NEO1: variants seen among roughly 807,000 people sequenced by gnomAD.
NEO1 encodes neogenin.
Under a neutral mutation model 159.7 loss-of-function variants are expected in NEO1, and 63 were observed. That is an observed-to-expected ratio of 0.39 (90% CI 0.32 to 0.49). The LOEUF is 0.49. NEO1 is among the 20% of genes least tolerant of loss of function. The pLI is 0.85. For synonymous variants in NEO1, 633 were observed against 662.0 expected (o/e 0.96, Z 0.67); for missense variants, 1,615 against 1,831.0 (o/e 0.88, Z 2.15).
chr15:73,130,820 A>G (rs1284345581), intron 4 of NEO1, among the ~76,000 whole-genome samples: 3 of 152,216 alleles, frequency 2.0e-5, no homozygotes, highest in East Asian at 3.8e-4. Flanking sequence ...TCAAAGCTTT[A>G]CCATCATGTA....
At chr15:73,124,967 A>G (rs929178625) in intron 3 of NEO1, among the ~76,000 whole-genome samples, 2 of 152,250 alleles carry the variant, frequency 1.3e-5, no homozygotes, top group African/African-American at 2.4e-5. Flanking sequence ...AACTATTGCC[A>G]TATACCAATA....
At position 73,221,043 on chromosome 15, in the gene NEO1, C is replaced by G. The variant is rs1317792201; in HGVS notation, c.1292-15304C>G. ...CCAGTTTTTCTGCTCTGTTTTTTCC[C>G]CATCTTTGTGGTTTTATCTACTTTT... On this transcript the variant is annotated intron_variant, in intron 7 of 28. Coordinates refer to ENST00000261908, the MANE Select transcript of NEO1 (RefSeq NM_002499.4). Among the ~76,000 whole-genome samples, 16 of 152,170 alleles carry G rather than the reference C, an allele frequency of 1.1e-4. No individual in the cohort carries two copies. In the East Asian group the frequency reaches 3.1e-3, roughly 29 times the overall value.
At chr15:73,093,561 T>C (rs2069818479) in intron 1 of NEO1, among the ~76,000 whole-genome samples, 1 of 151,888 alleles carries the variant, frequency 6.6e-6, no homozygotes, top group Admixed American at 6.6e-5. Flanking sequence ...GCTTTGACCA[T>C]GGGAAGTTCC....
At chr15:73,138,904 A>G (rs527451656) in intron 5 of NEO1, among the ~76,000 whole-genome samples, 1 of 152,310 alleles carries the variant, frequency 6.6e-6, no homozygotes, top group African/African-American at 2.4e-5. Context: ...GGATCAATAG[A>G]GTATGGCAGA....
intron 4 of NEO1, among the ~76,000 whole-genome samples, chr15:73,135,425 C>G (rs2031639438): frequency 6.6e-6 from 1 of 152,160 alleles, no homozygotes; most frequent in African/African-American, 2.4e-5. Context: ...CACTGTGACC[C>G]CATGACTTAC....
In NEO1 at chr15:73,116,752, G is replaced by A; in HGVS notation, c.343G>A (p.Val115Met). ...TGGATCTTTATTTATCAGCAATGTG[G>A]TGCATTCCAAACACAATAAACCTGA... ...PDGSLFISNV[V>M]HSKHNKPDEG... Residue 115 changes from valine to methionine, a missense_variant, in exon 2 of 29, where the codon GTG becomes ATG. Coordinates refer to ENST00000261908, the MANE Select transcript of NEO1 (RefSeq NM_002499.4). The A allele has an allele frequency of 6.2e-7, 1 of 1,613,972 alleles. No homozygotes were observed. Among genetic ancestry groups the A allele is most frequent in the Non-Finnish European group, 8.5e-7 (1 of 1,179,914 alleles).
chr15:73,073,495 G>T (rs2068631674), intron 1 of NEO1, among the ~76,000 whole-genome samples: 1 of 152,058 alleles, frequency 6.6e-6, no homozygotes, highest in African/African-American at 2.4e-5. Context: ...AAAATGGAAG[G>T]CTCTATTTGA....
Position 73,260,322 on chromosome 15 carries a change from C to G in NEO1, c.2255C>G (p.Thr752Ser). 1 of 1,614,006 alleles carries G rather than the reference C, an allele frequency of 6.2e-7. No individual in the cohort carries two copies. The highest frequency in any genetic ancestry group is 8.5e-7 in the Non-Finnish European group (1 of 1,179,962). Residue 752 changes from threonine to serine, a missense_variant, in exon 15 of 29, where the codon ACT becomes AGT. Thr to Ser is a moderately conservative substitution (Grantham distance 58, BLOSUM62 1). Coordinates refer to ENST00000261908, the MANE Select transcript of NEO1 (RefSeq NM_002499.4). Reference sequence around the variant, plus strand: ...TCTCTTCACGTACGCCCGCTCGTTACTAGCATCGTAGTGAGCTGGACTCCT... The same window carrying G: ...TCTCTTCACGTACGCCCGCTCGTTAGTAGCATCGTAGTGAGCTGGACTCCT... Reference protein sequence around the residue: ...PSSLHVRPLVTSIVVSWTPPE... With the variant: ...PSSLHVRPLVSSIVVSWTPPE...
intron 4 of NEO1, among the ~76,000 whole-genome samples, chr15:73,127,794 A>G (rs924811203): frequency 6.6e-6 from 1 of 152,206 alleles, no homozygotes; most frequent in Non-Finnish European, 1.5e-5. Flanking sequence ...TTTAGTGGGA[A>G]ACATTTTAAC....
intron 13 of NEO1, 39 bp downstream of exon 13, chr15:73,254,868 C>A (rs1231152362): frequency 6.3e-7 from 1 of 1,587,268 alleles, no homozygotes; most frequent in Non-Finnish European, 8.6e-7. Flanking sequence ...TACACTGTGT[C>A]TTTCTCAGAT....
intron 2 of NEO1, 93 bp from the exon 3 acceptor site, chr15:73,122,432 A>T: frequency 8.5e-7 from 1 of 1,172,280 alleles, no homozygotes; most frequent in Non-Finnish European, 1.2e-6. Flanking sequence ...CATATGTTGT[A>T]GCCATGTGAG....
intron 9 of NEO1, among the ~76,000 whole-genome samples, chr15:73,247,495 C>A (rs2039856634): frequency 6.6e-6 from 1 of 152,152 alleles, no homozygotes. Flanking sequence ...TGACAAATCC[C>A]ACCTGTCAGG....
chr15:73,106,995 C>G (rs2070728825), intron 1 of NEO1, among the ~76,000 whole-genome samples: 1 of 152,154 alleles, frequency 6.6e-6, no homozygotes, highest in African/African-American at 2.4e-5. Flanking sequence ...CCCTCAGTCC[C>G]TTGCTTTACA....
rs2151177222 is a variant in NEO1 at position 73,298,499 on chromosome 15, C to G, written c.4053C>G (p.Ala1351=). The G allele has an allele frequency of 6.2e-7, 1 of 1,614,188 alleles. No individual in the cohort carries two copies. The highest frequency in any genetic ancestry group is 1.3e-5 in the African/African-American group (1 of 75,034). The change falls in exon 27 of 29, where the codon GCC becomes GCG. Residue 1351 remains alanine (A), a synonymous_variant. Transcript: ENST00000261908. Reference sequence around the variant, plus strand: ...ATTCAGGCCAGAGTCTTCCCACTGCCCATGTTCGCCCTTCCCACCCATTGA... The same window carrying G: ...ATTCAGGCCAGAGTCTTCCCACTGCGCATGTTCGCCCTTCCCACCCATTGA... ...EEDSGQSLPT[A]HVRPSHPLKS... is the part of the protein sequence containing the mutation.
chr15:73,173,253 G>A (rs1198707069), intron 5 of NEO1, among the ~76,000 whole-genome samples: 2 of 152,066 alleles, frequency 1.3e-5, no homozygotes, highest in Non-Finnish European at 2.9e-5. Context: ...AATTTATCTG[G>A]GGAGTGGAAC....
At chr15:73,279,231 A>G (rs1345649233) in intron 22 of NEO1, among the ~76,000 whole-genome samples, 2 of 152,086 alleles carry the variant, frequency 1.3e-5, no homozygotes. Flanking sequence ...TGTGTATGTG[A>G]CATTTATATT....
Position 73,212,872 on chromosome 15 carries a change from C to T in NEO1, c.1292-23475C>T, listed in dbSNP as rs1363500259. Among the ~76,000 whole-genome samples the T allele has an allele frequency of 3.3e-5, 5 of 152,160 alleles. No homozygotes were observed. In the South Asian group the frequency reaches 6.2e-4, roughly 19 times the overall value. On this transcript the variant is annotated intron_variant, in intron 7 of 28. Transcript: ENST00000261908. ...TGTCTTTATGTACTGTTATGGGAAC[C>T]TCCTAAAGACATTACATCATATAGC... is the stretch of plus-strand genomic sequence containing the variant.
chr15:73,143,847 C>T (rs2032647464), intron 5 of NEO1, among the ~76,000 whole-genome samples: 1 of 152,188 alleles, frequency 6.6e-6, no homozygotes, highest in South Asian at 2.1e-4. Context: ...ACCATCCCCT[C>T]ATAATTGGTT....
intron 1 of NEO1, among the ~76,000 whole-genome samples, chr15:73,060,426 G>A (rs749264570): frequency 4.6e-5 from 7 of 151,786 alleles, no homozygotes; most frequent in Non-Finnish European, 8.8e-5. Context: ...ACCACACCCT[G>A]CTAATTTTTT....
Sources: allele counts gnomAD v4.1 joint callset (sites outside exome capture counted in the v4.1 genomes callset), GRCh38; gene constraint gnomAD v4.1.1; transcripts MANE v1.5; gene names NCBI Gene and HGNC (gene_info 2026-07-23, HGNC 2026-07-21).